HMCN1: variants seen among roughly 807,000 people sequenced by gnomAD.
The protein encoded by HMCN1 is hemicentin-1.
Under a neutral mutation model 625.9 loss-of-function variants are expected in HMCN1, and 321 were observed. That is an observed-to-expected ratio of 0.51 (90% CI 0.47 to 0.56). The LOEUF (loss-of-function observed/expected upper bound fraction) is 0.56, where lower values mean the gene tolerates loss of function less well. Ranked by LOEUF, HMCN1 falls within the 20% of genes least tolerant of loss-of-function variation. The probability of loss-of-function intolerance (pLI) is 0.00; values close to 1 mark genes in which losing one functional copy is unlikely to be tolerated. For missense variants in HMCN1, 6,588 were observed against 6,887.3 expected (o/e 0.96, Z 1.54); for synonymous variants, 2,425 against 2,417.6 (o/e 1.00, Z -0.09).
rs533059564 is a variant in HMCN1, at chr1:185,752,243, G to GT, written c.268+17203dup. Among the ~76,000 whole-genome samples the GT allele has an allele frequency of 1.8e-4, 28 of 152,030 alleles. No individual in the cohort carries two copies. In the East Asian group the frequency reaches 4.8e-3, roughly 26 times the overall value. The stretch of plus-strand genomic sequence containing the variant: ...TGACAGATGGCAAGCTTTCTTGACA[G>GT]TTTTTTTGGGTTAGTGGGAGGAATT... On this transcript the variant is annotated intron_variant, in intron 1 of 106. Transcript: ENST00000271588.
chr1:186,142,726 A>G (rs1025431766), intron 89 of HMCN1, among the ~76,000 whole-genome samples: 1 of 152,222 alleles, frequency 6.6e-6, no homozygotes, highest in Non-Finnish European at 1.5e-5. Flanking sequence ...AGGATTTTCC[A>G]TATTGATTAA....
intron 14 of HMCN1, among the ~76,000 whole-genome samples, chr1:185,967,364 C>T (rs969120139): frequency 1.3e-5 from 2 of 152,086 alleles, no homozygotes; most frequent in African/African-American, 4.8e-5. Flanking sequence ...GTACCCACTA[C>T]ATGAGAGATT....
At chr1:186,167,462 T>C (rs957639198) in intron 100 of HMCN1, among the ~76,000 whole-genome samples, 1 of 152,206 alleles carries the variant, frequency 6.6e-6, no homozygotes, top group African/African-American at 2.4e-5. Flanking sequence ...GGTACGTTTG[T>C]TACAGTCAAT....
intron 73 of HMCN1, 80 bp downstream of exon 73, chr1:186,114,203 G>T: frequency 7.0e-7 from 1 of 1,434,418 alleles, no homozygotes; most frequent in South Asian, 1.2e-5. Flanking sequence ...GCACTATTTT[G>T]GTCTCATTAT....
At chr1:186,009,925 T>C (rs753220789) in intron 30 of HMCN1, among the ~76,000 whole-genome samples, 1 of 152,094 alleles carries the variant, frequency 6.6e-6, no homozygotes, top group African/African-American at 2.4e-5. Context: ...AACGAAACTG[T>C]TCCACTGAAC....
At chr1:185,976,067 C>T (rs1235002376) in intron 15 of HMCN1, among the ~76,000 whole-genome samples, 2 of 152,094 alleles carry the variant, frequency 1.3e-5, no homozygotes, top group African/African-American at 4.8e-5. Context: ...AAATAAAAAA[C>T]AAATGTAGTC....
intron 2 of HMCN1, among the ~76,000 whole-genome samples, chr1:185,846,889 T>C (rs551626446): frequency 8.5e-4 from 129 of 152,198 alleles, no homozygotes; most frequent in Non-Finnish European, 1.6e-3. Flanking sequence ...AATGACCTTT[T>C]CTTTACTCTC....
chr1:185,986,547 T>A (rs1337334802), intron 19 of HMCN1, among the ~76,000 whole-genome samples: 1 of 152,204 alleles, frequency 6.6e-6, no homozygotes, highest in Non-Finnish European at 1.5e-5. Context: ...TTGTGAGAGT[T>A]GGTTCTGATT....
intron 1 of HMCN1, among the ~76,000 whole-genome samples, chr1:185,842,344 A>G (rs1202192191): frequency 1.3e-5 from 2 of 152,154 alleles, no homozygotes; most frequent in African/African-American, 4.8e-5. Flanking sequence ...TATTCAGTCT[A>G]TTAAAAAATA....
At chr1:186,000,298 T>A in intron 26 of HMCN1, 59 bp downstream of exon 26, 1 of 1,234,104 alleles carries the variant, frequency 8.1e-7, no homozygotes, top group Non-Finnish European at 1.2e-6. Flanking sequence ...CTTAAATGTT[T>A]AAATTATTCT....
chr1:186,090,999 A>G lies in HMCN1; in HGVS notation c.9887+82A>G, dbSNP rs113527965. On this transcript the variant is annotated intron_variant, in intron 64 of 106. Transcript: ENST00000271588. ...TGCTTCAAATTTCACATGAATAATA[A>G]TACCGAATTCCATCCCATTGGAACT... 5.0e-4 allele frequency: 713 copies of G among 1,439,832 alleles called. 2 individuals are homozygous for G. In the African/African-American group the frequency reaches 8.2e-3, roughly 17 times the overall value. 89.2% of individuals were successfully genotyped at this position (1,439,832 alleles called of 1,614,324 possible).
intron 36 of HMCN1, among the ~76,000 whole-genome samples, chr1:186,032,222 A>G (rs1284102948): frequency 6.6e-6 from 1 of 152,134 alleles, no homozygotes; most frequent in Non-Finnish European, 1.5e-5. Context: ...AGCAAGAAAA[A>G]AAAATAATCC....
At chr1:186,007,682 C>T (rs1038271897) in intron 30 of HMCN1, among the ~76,000 whole-genome samples, 8 of 152,216 alleles carry the variant, frequency 5.3e-5, no homozygotes, top group African/African-American at 9.6e-5. Context: ...TGAATTCCAT[C>T]GTGGCCGTTA....
rs1654293530 is a variant in HMCN1, at chr1:186,015,349, A to G, written c.4821A>G (p.Arg1607=). ...AAGGACAATATCTTCATATTCCTCG[A>G]GCACAGGTCTCTGATTCAGCAACAT... ...IDKGQYLHIP[R]AQVSDSATYT... Residue 1607 remains arginine (R), a synonymous_variant, in exon 31 of 107, where the codon CGA becomes CGG. Coordinates refer to ENST00000271588, the MANE Select transcript of HMCN1 (RefSeq NM_031935.3). The G allele has an allele frequency of 6.2e-7, 1 of 1,613,762 alleles. No individual in the cohort carries two copies. The highest frequency in any genetic ancestry group is 1.1e-5 in the South Asian group (1 of 91,078).
intron 25 of HMCN1, among the ~76,000 whole-genome samples, chr1:185,999,026 T>C (rs1327711401): frequency 6.6e-6 from 1 of 152,046 alleles, no homozygotes; most frequent in Admixed American, 6.6e-5. Flanking sequence ...GGTCAATCTT[T>C]AATTTTTTTC....
At chr1:186,093,990 T>A (rs1281016841) in intron 66 of HMCN1, among the ~76,000 whole-genome samples, 1 of 152,112 alleles carries the variant, frequency 6.6e-6, no homozygotes, top group Non-Finnish European at 1.5e-5. Flanking sequence ...CCTACTATGA[T>A]AATGTGATTT....
intron 69 of HMCN1, among the ~76,000 whole-genome samples, chr1:186,104,533 A>T (rs1660524275): frequency 6.6e-6 from 1 of 152,186 alleles, no homozygotes; most frequent in South Asian, 2.1e-4. Flanking sequence ...AAGAGTTATA[A>T]ACTCTCTACT....
At chr1:186,108,918 G>A (rs1293892927) in intron 71 of HMCN1, among the ~76,000 whole-genome samples, 1 of 152,160 alleles carries the variant, frequency 6.6e-6, no homozygotes, top group Non-Finnish European at 1.5e-5. Context: ...TCTTAAAAGA[G>A]AAGAAACCAT....
At chr1:186,115,673 TG>T (rs1249790302) in intron 75 of HMCN1, among the ~76,000 whole-genome samples, 1 of 152,232 alleles carries the variant, frequency 6.6e-6, no homozygotes, top group African/African-American at 2.4e-5. Flanking sequence ...CTGCCTTATT[TG>T]TTTAGTACCT....
Sources: allele counts gnomAD v4.1 joint callset (sites outside exome capture counted in the v4.1 genomes callset), GRCh38; gene constraint gnomAD v4.1.1; transcripts MANE v1.5; gene names NCBI Gene and HGNC (gene_info 2026-07-23, HGNC 2026-07-21).